CELF2: variants seen among roughly 807,000 people sequenced by gnomAD.
CELF2 encodes the protein CUG triplet repeat RNA-binding protein 2.
In CELF2, 8 loss-of-function variants were observed where a neutral mutation model predicts 62.6. The ratio of observed to expected loss-of-function variants is 0.13; its 90% confidence interval spans 0.07 to 0.23. The LOEUF (loss-of-function observed/expected upper bound fraction) is 0.23. Ranked by LOEUF, CELF2 falls within the 10% of genes least tolerant of loss-of-function variation. The pLI is 1.00. For missense variants in CELF2, 333 were observed against 671.0 expected (o/e 0.50, Z 5.56); for synonymous variants, 258 against 250.0 (o/e 1.03, Z -0.30).
intron 1 of CELF2, among the ~76,000 whole-genome samples, chr10:10,874,792 G>A (rs2060981186): frequency 6.6e-6 from 1 of 152,156 alleles, no homozygotes; most frequent in South Asian, 2.1e-4. Flanking sequence ...GGTAACTTCT[G>A]AGGAACATGC....
chr10:10,862,540 A>T (rs534670020), intron 1 of CELF2, among the ~76,000 whole-genome samples: 92 of 152,336 alleles, frequency 6.0e-4, no homozygotes, highest in African/African-American at 2.1e-3. Flanking sequence ...AGTTAGGCAG[A>T]AGGTACTTGG....
At chr10:10,546,256 T>C in the CELF2 span, among the ~76,000 whole-genome samples, 1 of 152,206 alleles carries the variant, frequency 6.6e-6, no homozygotes, top group East Asian at 1.9e-4. Flanking sequence ...CAGGATAATG[T>C]GGCAGTCAGC....
chr10:11,058,461 G>T (rs1247009147), intron 1 of CELF2, among the ~76,000 whole-genome samples: 42 of 116,806 alleles, frequency 3.6e-4, no homozygotes, highest in African/African-American at 8.0e-4. Context: ...TTTTTTGTTG[G>T]TTTTTTTTTT....
At chr10:11,144,192 C>G (rs1475510010) in intron 1 of CELF2, among the ~76,000 whole-genome samples, 1 of 152,172 alleles carries the variant, frequency 6.6e-6, no homozygotes, top group Non-Finnish European at 1.5e-5. Context: ...TTACAACTTA[C>G]TCTCGCTAAT....
At chr10:11,125,570 T>C (rs1000629804) in intron 1 of CELF2, among the ~76,000 whole-genome samples, 1 of 151,920 alleles carries the variant, frequency 6.6e-6, no homozygotes, top group African/African-American at 2.4e-5. Context: ...CTCCCTTTTT[T>C]AAAATAAACC....
intron 9 of CELF2, among the ~76,000 whole-genome samples, chr10:11,313,174 G>T (rs1225031793): frequency 2.6e-5 from 4 of 152,256 alleles, no homozygotes; most frequent in Admixed American, 2.6e-4. Context: ...AGACTTCAAG[G>T]AAAAATTAGA....
the CELF2 span, among the ~76,000 whole-genome samples, chr10:10,691,563 A>G: frequency 6.6e-6 from 1 of 152,146 alleles, no homozygotes; most frequent in Middle Eastern, 3.4e-3. Flanking sequence ...TTACTTCTAG[A>G]TCCCTGAGGA....
At chr10:10,532,599 A>G in the CELF2 span, among the ~76,000 whole-genome samples, 1 of 152,220 alleles carries the variant, frequency 6.6e-6, no homozygotes, top group Non-Finnish European at 1.5e-5. Flanking sequence ...AAATAATATC[A>G]CAGCCTTGCT....
chr10:10,682,199 A>C, the CELF2 span, among the ~76,000 whole-genome samples: 12 of 152,200 alleles, frequency 7.9e-5, no homozygotes, highest in African/African-American at 2.9e-4. Context: ...AAAATCAATT[A>C]ATGCAGCAAT....
chr10:11,235,660 A>G (rs1268914773), intron 3 of CELF2, among the ~76,000 whole-genome samples: 3 of 152,164 alleles, frequency 2.0e-5, no homozygotes, highest in Non-Finnish European at 4.4e-5. Context: ...ACTATGGAAG[A>G]CGAGATGAAT....
intron 1 of CELF2, among the ~76,000 whole-genome samples, chr10:11,028,061 C>T (rs535773829): frequency 1.3e-5 from 2 of 152,274 alleles, no homozygotes; most frequent in South Asian, 4.1e-4. Flanking sequence ...GGCAAAGACC[C>T]ATAAAGCATT....
In CELF2 at chr10:11,331,282, CA is replaced by C. The variant is rs548586033; in HGVS notation, c.*2243del. ...AAGTTTAGAATTGGTTTACTTAATACAAAAAAAAAAAAAAGAATTTCAAAAA... is the reference window on the plus strand; with the variant it reads ...AAGTTTAGAATTGGTTTACTTAATACAAAAAAAAAAAAAGAATTTCAAAAA... On this transcript the variant is annotated 3_prime_UTR_variant, in exon 13 of 13. Transcript: ENST00000633077. 0.16 allele frequency: 7,847 copies of C among 50,524 alleles called. 230 individuals carry two copies. Among genetic ancestry groups the C allele is most frequent in the African/African-American group, 0.26 (4,170 of 16,216 alleles). 3.1% of individuals were successfully genotyped at this position (50,524 alleles called of 1,614,324 possible). A position where few individuals can be genotyped will look rare whatever the true frequency, so the allele number is the denominator to read the frequency against.
the CELF2 span, among the ~76,000 whole-genome samples, chr10:10,699,674 T>C: frequency 6.6e-6 from 1 of 152,054 alleles, no homozygotes; most frequent in African/African-American, 2.4e-5. Context: ...GCTTGTACAT[T>C]TGAGGAACTG....
the CELF2 span, among the ~76,000 whole-genome samples, chr10:10,774,798 C>T: frequency 6.6e-6 from 1 of 152,116 alleles, no homozygotes; most frequent in Non-Finnish European, 1.5e-5. Context: ...GTTTAGGGCA[C>T]TGGTGGCATT....
the CELF2 span, among the ~76,000 whole-genome samples, chr10:10,568,866 A>G: frequency 6.6e-6 from 1 of 152,166 alleles, no homozygotes; most frequent in African/African-American, 2.4e-5. Flanking sequence ...GGTGGTCTTG[A>G]GTACCTATTG....
chr10:10,664,742 G>A, the CELF2 span, among the ~76,000 whole-genome samples: 2 of 152,152 alleles, frequency 1.3e-5, no homozygotes, highest in African/African-American at 2.4e-5. Context: ...TTGCCGTTAC[G>A]GTAGTAGCCC....
chr10:10,711,632 A>G, the CELF2 span, among the ~76,000 whole-genome samples: 1 of 152,204 alleles, frequency 6.6e-6, no homozygotes, highest in Non-Finnish European at 1.5e-5. Flanking sequence ...CTGTAATCCT[A>G]GCATTTTGGG....
Position 11,220,262 on chromosome 10 carries a change from A to C in CELF2, c.354+2755A>C, listed in dbSNP as rs2064439971. 6.6e-6 allele frequency among the ~76,000 whole-genome samples: 1 copy of C among 152,148 alleles called. No homozygotes were observed. Among genetic ancestry groups the C allele is most frequent in the Non-Finnish European group, 1.5e-5 (1 of 68,032 alleles). Reference sequence around the variant, plus strand: ...TTTTTCCGATGTAATTTTCTTTTGCAGTTGATGTTTTGTTTCATAAGGAAC... The same window carrying C: ...TTTTTCCGATGTAATTTTCTTTTGCCGTTGATGTTTTGTTTCATAAGGAAC... On this transcript the variant is annotated intron_variant, in intron 3 of 12. Transcript: ENST00000633077. This position sits in a 1 kb window ranked among gnomAD's most constrained non-coding sequence, Gnocchi z 4.4.
At chr10:11,295,585 G>GC (rs2093070036) in intron 9 of CELF2, among the ~76,000 whole-genome samples, 1 of 152,138 alleles carries the variant, frequency 6.6e-6, no homozygotes, top group South Asian at 2.1e-4. Context: ...TGGGAGTAGG[G>GC]CCCCCCTTAA....
Sources: allele counts gnomAD v4.1 joint callset (sites outside exome capture counted in the v4.1 genomes callset), GRCh38; gene constraint gnomAD v4.1.1; non-coding constraint Gnocchi (gnomAD v3.1); transcripts MANE v1.5; gene names NCBI Gene and HGNC (gene_info 2026-07-23, HGNC 2026-07-21).